The following ABLIM3 variants were observed in gnomAD, a reference collection of about 807,000 sequenced individuals.
The protein encoded by ABLIM3 is actin binding LIM protein family member 3, also known as actin-binding LIM protein 3.
Under a neutral mutation model 109.5 loss-of-function variants are expected in ABLIM3, and 61 were observed. The observed-to-expected ratio is 0.56, with a 90% CI of 0.45 to 0.69. The LOEUF is 0.69. ABLIM3 is among the 30% of genes least tolerant of loss of function. The pLI is 0.00. For missense variants in ABLIM3, 796 were observed against 889.5 expected (o/e 0.89, Z 1.34); for synonymous variants, 300 against 324.8 (o/e 0.92, Z 0.82).
chr5:149,247,632 T>A, intron 17 of ABLIM3, 150 bp from the exon 18 acceptor site: 4 of 993,098 alleles, frequency 4.0e-6, no homozygotes, highest in Non-Finnish European at 6.2e-6. Flanking sequence ...ACAGGAAACA[T>A]GGGTGCCACA....
chr5:149,255,483 T>C (rs1278220108), intron 23 of ABLIM3, among the ~76,000 whole-genome samples: 2 of 152,044 alleles, frequency 1.3e-5, no homozygotes, highest in Non-Finnish European at 2.9e-5. Context: ...TAATAAGTGC[T>C]AAGGAAAAAA....
At chr5:149,141,866 CCTT>C (rs1405980940) in intron 1 of ABLIM3, 140 bp from the exon 2 acceptor site, 11 of 606,564 alleles carry the variant, frequency 1.8e-5, no homozygotes, top group Non-Finnish European at 3.3e-5. Flanking sequence ...CCTGCCGCCT[CCTT>C]CTCCTTGCTC....
chr5:149,211,332 GACA>G (rs1759535927), intron 7 of ABLIM3, among the ~76,000 whole-genome samples: 1 of 152,084 alleles, frequency 6.6e-6, no homozygotes, highest in Non-Finnish European at 1.5e-5. Context: ...TGCAGTGACA[GACA>G]ACCTGCAAAA....
intron 2 of ABLIM3, among the ~76,000 whole-genome samples, chr5:149,171,597 T>A (rs1755436941): frequency 6.6e-6 from 1 of 152,172 alleles, no homozygotes; most frequent in Non-Finnish European, 1.5e-5. Flanking sequence ...CATAAATGCC[T>A]GGTAAAACAT....
intron 9 of ABLIM3, among the ~76,000 whole-genome samples, chr5:149,231,881 C>T (rs1050832761): frequency 6.6e-6 from 1 of 152,006 alleles, no homozygotes; most frequent in African/African-American, 2.4e-5. Context: ...TATATTGCCA[C>T]GTGAAAACCA....
At chr5:149,236,130 C>G (rs1164410246) in intron 10 of ABLIM3, among the ~76,000 whole-genome samples, 2 of 152,134 alleles carry the variant, frequency 1.3e-5, no homozygotes, top group African/African-American at 4.8e-5. Flanking sequence ...AGCAAAAGAG[C>G]CTGTGATACA....
intron 22 of ABLIM3, 87 bp downstream of exon 22, chr5:149,252,295 A>G (rs995692340): frequency 8.8e-6 from 13 of 1,483,322 alleles, no homozygotes; most frequent in Middle Eastern, 1.8e-4. Context: ...AGCACTGTCT[A>G]TGTAGGGAAG....
intron 8 of ABLIM3, chr5:149,220,980 A>G (rs1760591407): frequency 1.3e-5 from 2 of 152,240 alleles, no homozygotes; most frequent in Admixed American, 6.5e-5. Context: ...AAGTGTAAAC[A>G]TTCAATGACA....
chr5:149,183,943 GT>G (rs1220547850), intron 3 of ABLIM3, among the ~76,000 whole-genome samples: 1 of 148,880 alleles, frequency 6.7e-6, no homozygotes, highest in South Asian at 2.2e-4. Context: ...ATTCAAGATA[GT>G]TTTTTTTGTT....
chr5:149,257,468 A>G (rs1310887961), intron 23 of ABLIM3, among the ~76,000 whole-genome samples: 1 of 152,198 alleles, frequency 6.6e-6, no homozygotes, highest in African/African-American at 2.4e-5. Context: ...TATGCCATAT[A>G]TTTCTCTTTG....
intron 16 of ABLIM3, among the ~76,000 whole-genome samples, chr5:149,245,836 C>G (rs778401158): frequency 3.9e-5 from 6 of 152,114 alleles, no homozygotes; most frequent in Admixed American, 1.3e-4. Flanking sequence ...AATTCAATGT[C>G]CATTCTGAGC....
At chr5:149,163,432 C>G (rs972737971) in intron 2 of ABLIM3, among the ~76,000 whole-genome samples, 1 of 152,098 alleles carries the variant, frequency 6.6e-6, no homozygotes, top group Non-Finnish European at 1.5e-5. Flanking sequence ...AACAAAATAC[C>G]ACACACGGGG....
chr5:149,188,360 T>C (rs1757170353), intron 3 of ABLIM3, among the ~76,000 whole-genome samples: 1 of 152,130 alleles, frequency 6.6e-6, no homozygotes. Flanking sequence ...TTCTATACCA[T>C]AGCAATAAAC....
chr5:149,153,982 C>T (rs1179963205), intron 2 of ABLIM3, among the ~76,000 whole-genome samples: 1 of 152,232 alleles, frequency 6.6e-6, no homozygotes, highest in Non-Finnish European at 1.5e-5. Context: ...GCTTCGTCCT[C>T]ACATCTGCTT....
At chr5:149,166,252 C>T (rs1037545879) in intron 2 of ABLIM3, among the ~76,000 whole-genome samples, 1 of 152,200 alleles carries the variant, frequency 6.6e-6, no homozygotes, top group Non-Finnish European at 1.5e-5. Flanking sequence ...ACTGATGTCA[C>T]TTACTTGCAT....
intron 3 of ABLIM3, among the ~76,000 whole-genome samples, chr5:149,186,577 C>T (rs4705327): frequency 0.31 from 46,433 of 151,806 alleles, 7,413 homozygotes; most frequent in East Asian, 0.51. Context: ...TAAGTTACAG[C>T]GGTCTCCCAC....
At chr5:149,254,057 C>T (rs1754210852) in intron 23 of ABLIM3, among the ~76,000 whole-genome samples, 1 of 152,106 alleles carries the variant, frequency 6.6e-6, no homozygotes, top group South Asian at 2.1e-4. Flanking sequence ...GAGACTTATT[C>T]ACTACCAGGA....
chr5:149,192,611 C>T (rs1221345530), intron 3 of ABLIM3, among the ~76,000 whole-genome samples: 1 of 130,104 alleles, frequency 7.7e-6, no homozygotes, highest in Non-Finnish European at 1.6e-5. Flanking sequence ...GGTGACAGAG[C>T]GAGACTCCGT....
intron 6 of ABLIM3, among the ~76,000 whole-genome samples, chr5:149,208,567 T>C (rs192407706): frequency 6.6e-6 from 1 of 152,252 alleles, no homozygotes; most frequent in East Asian, 1.9e-4. Flanking sequence ...AAAAGAGGCC[T>C]CTTTCCCAGG....
Sources: allele counts gnomAD v4.1 joint callset (sites outside exome capture counted in the v4.1 genomes callset), GRCh38; gene constraint gnomAD v4.1.1; transcripts MANE v1.5; gene names NCBI Gene and HGNC (gene_info 2026-07-23, HGNC 2026-07-21).